MAP7: variants seen among roughly 807,000 people sequenced by gnomAD.
MAP7 encodes ensconsin.
A neutral mutation model predicts 94.8 loss-of-function variants in MAP7; 52 were observed. That is an observed-to-expected ratio of 0.55 (90% CI 0.44 to 0.69). The LOEUF is 0.69. Ranked by LOEUF, MAP7 falls within the 30% of genes least tolerant of loss-of-function variation. The pLI is 0.00. For synonymous variants in MAP7, 350 were observed against 357.0 expected, an observed-to-expected ratio of 0.98 and a Z score of 0.22; for missense variants, 940 against 964.6, an observed-to-expected ratio of 0.97 and a Z score of 0.34.
chr6:136,379,398 T>C (rs1267666592), intron 6 of MAP7, among the ~76,000 whole-genome samples: 1 of 152,172 alleles, frequency 6.6e-6, no homozygotes, highest in East Asian at 1.9e-4. Flanking sequence ...TTAAATATTA[T>C]CTGACATTAA....
intron 1 of MAP7, among the ~76,000 whole-genome samples, chr6:136,470,591 T>C (rs766200680): frequency 6.6e-6 from 1 of 152,000 alleles, no homozygotes; most frequent in Non-Finnish European, 1.5e-5. Flanking sequence ...CTGCCTGAGA[T>C]TTTGTACCCT....
In MAP7 at chr6:136,351,356, T is replaced by C. The variant is rs1177137403; in HGVS notation, c.2016-5277A>G. ...TACATCACACTGCAGCTACACCTAG[T>C]GTACTGTGTGTTTTCTGGACACTGC... On this transcript the variant is annotated intron_variant, in intron 16 of 17. Transcript: ENST00000354570. 3.9e-5 allele frequency among the ~76,000 whole-genome samples: 6 copies of C among 152,316 alleles called. No individual in the cohort carries two copies. In the East Asian group the frequency reaches 1.2e-3, roughly 29 times the overall value.
intron 1 of MAP7, among the ~76,000 whole-genome samples, chr6:136,454,340 G>A (rs554504389): frequency 2.1e-5 from 3 of 146,248 alleles, no homozygotes; most frequent in South Asian, 2.2e-4. Flanking sequence ...AGGGTCTTAC[G>A]CTGTCTCCCA....
At chr6:136,514,742 C>T (rs1726262611) in intron 1 of MAP7, among the ~76,000 whole-genome samples, 1 of 152,146 alleles carries the variant, frequency 6.6e-6, no homozygotes, top group South Asian at 2.1e-4. Flanking sequence ...AGTCAGTACA[C>T]CATGCTATAA....
chr6:136,423,668 G>A (rs1163076151), intron 1 of MAP7, among the ~76,000 whole-genome samples: 1 of 150,842 alleles, frequency 6.6e-6, no homozygotes, highest in East Asian at 1.9e-4. Context: ...GGGTTTGGGG[G>A]AGATGACAGT....
chr6:136,460,693 C>G (rs1269873214), intron 1 of MAP7, among the ~76,000 whole-genome samples: 2 of 152,054 alleles, frequency 1.3e-5, no homozygotes, highest in Non-Finnish European at 2.9e-5. Flanking sequence ...TAGAATGCAG[C>G]CTCACTTGCC....
At chr6:136,410,510 G>C (rs1358337636) in intron 3 of MAP7, among the ~76,000 whole-genome samples, 1 of 152,178 alleles carries the variant, frequency 6.6e-6, no homozygotes, top group African/African-American at 2.4e-5. Context: ...CTGCCTGCAG[G>C]GAACCCATCA....
intron 1 of MAP7, among the ~76,000 whole-genome samples, chr6:136,497,853 A>G (rs1187437043): frequency 6.6e-6 from 1 of 151,690 alleles, no homozygotes; most frequent in East Asian, 1.9e-4. Context: ...CAAAGGCATG[A>G]ATGACTGTTT....
chr6:136,376,137 C>T (rs1290279582), intron 7 of MAP7, among the ~76,000 whole-genome samples: 2 of 151,984 alleles, frequency 1.3e-5, no homozygotes, highest in Non-Finnish European at 2.9e-5. Flanking sequence ...CTCGCTCTAT[C>T]CCCCAGGCTG....
chr6:136,411,381 T>C (rs1787400498), intron 3 of MAP7, among the ~76,000 whole-genome samples: 1 of 152,218 alleles, frequency 6.6e-6, no homozygotes, highest in East Asian at 1.9e-4. Flanking sequence ...ACCATCACTC[T>C]ACTCATATAT....
chr6:136,376,931 G>A (rs952612743), intron 7 of MAP7, among the ~76,000 whole-genome samples: 1 of 152,220 alleles, frequency 6.6e-6, no homozygotes, highest in African/African-American at 2.4e-5. Context: ...TGCCAAAGAT[G>A]AGGGCTAGTA....
Position 136,345,839 on chromosome 6 carries a change from G to A in MAP7, c.2239+17C>T, listed in dbSNP as rs942951386. ...ATATTTCTGATGACTACAGAAGGGA[G>A]TTGGAGGCAAGCTTACCTGCAGTCT... On this transcript the variant is annotated intron_variant, in intron 17 of 17. Coordinates refer to ENST00000354570, the MANE Select transcript of MAP7 (RefSeq NM_003980.6). 5.9e-5 allele frequency: 95 copies of A among 1,599,744 alleles called. No homozygotes were observed. Among genetic ancestry groups the A allele is most frequent in the Non-Finnish European group, 8.0e-5 (93 of 1,166,822 alleles).
intron 1 of MAP7, among the ~76,000 whole-genome samples, chr6:136,458,716 T>C (rs954009096): frequency 6.6e-6 from 1 of 152,026 alleles, no homozygotes; most frequent in Non-Finnish European, 1.5e-5. Context: ...GATATCCGCA[T>C]GCTTAAGGAA....
chr6:136,474,898 T>C (rs1810363544), intron 1 of MAP7, among the ~76,000 whole-genome samples: 1 of 152,032 alleles, frequency 6.6e-6, no homozygotes, highest in African/African-American at 2.4e-5. Flanking sequence ...GTATTTTGGG[T>C]AGAGACGGGG....
chr6:136,412,134 G>A (rs1055218646), intron 2 of MAP7, among the ~76,000 whole-genome samples: 2 of 152,110 alleles, frequency 1.3e-5, no homozygotes, highest in Admixed American at 1.3e-4. Context: ...TTTCTGCCCC[G>A]TCACTCGCCG....
In MAP7 at chr6:136,428,758, G is replaced by A. The variant is rs973665157; in HGVS notation, c.68-6959C>T. On this transcript the variant is annotated intron_variant, in intron 1 of 17. Transcript: ENST00000354570. ...ACAGTCTCCAAATAAATGGAACATC[G>A]GCATTCAGTCATTGATATCTGGCCA... Among the ~76,000 whole-genome samples the A allele has an allele frequency of 1.1e-4, 16 of 152,116 alleles. No individual in the cohort carries two copies. The South Asian group carries it at 2.7e-3, about 26-fold the overall frequency.
intron 5 of MAP7, among the ~76,000 whole-genome samples, chr6:136,384,177 C>T (rs899188518): frequency 3.3e-5 from 5 of 152,182 alleles, no homozygotes; most frequent in African/African-American, 4.8e-5. Flanking sequence ...TAACATAGAA[C>T]GCAAACACTG....
intron 1 of MAP7, among the ~76,000 whole-genome samples, chr6:136,485,494 AC>A (rs1329798634): frequency 1.3e-5 from 2 of 151,628 alleles, no homozygotes; most frequent in African/African-American, 4.9e-5. Flanking sequence ...TTAGAGGGTC[AC>A]CTGATTGCTT....
At chr6:136,525,670 C>G (rs955857319) in intron 1 of MAP7, among the ~76,000 whole-genome samples, 1 of 152,194 alleles carries the variant, frequency 6.6e-6, no homozygotes, top group Non-Finnish European at 1.5e-5. Context: ...CATGCATACA[C>G]AACCCTACAG....
Sources: gnomAD v4.1 joint callset for allele counts (sites outside exome capture counted in the v4.1 genomes callset) on GRCh38, gnomAD v4.1.1 for gene constraint, MANE v1.5 for transcripts, NCBI Gene and HGNC (gene_info 2026-07-23, HGNC 2026-07-21) for gene names.